Variants in TAFA1 observed in about 807,000 individuals in gnomAD.
TAFA1 encodes TAFA chemokine like family member 1.
Under a neutral mutation model 18.5 loss-of-function variants are expected in TAFA1, and 4 were observed. The ratio of observed to expected loss-of-function variants is 0.22; its 90% CI spans 0.11 to 0.49. The LOEUF (loss-of-function observed/expected upper bound fraction) is 0.49. TAFA1 is among the 20% of genes least tolerant of loss of function. TAFA1 has a pLI of 0.98. For synonymous variants in TAFA1, 56 were observed against 55.2 expected, an observed-to-expected ratio of 1.01 and a Z score of -0.06; for missense variants, 147 against 169.0, an observed-to-expected ratio of 0.87 and a Z score of 0.72.
chr3:68,479,288 C>G (rs1009047217), intron 3 of TAFA1, among the ~76,000 whole-genome samples: 4 of 148,990 alleles, frequency 2.7e-5, no homozygotes, highest in Non-Finnish European at 5.9e-5. Flanking sequence ...AACTGTAGCT[C>G]CATACACACA....
At chr3:68,080,603 G>A (rs1216757731) in intron 2 of TAFA1, among the ~76,000 whole-genome samples, 1 of 152,094 alleles carries the variant, frequency 6.6e-6, no homozygotes, top group African/African-American at 2.4e-5. Context: ...GAAATTCTGG[G>A]TTGAAAATTC....
chr3:68,102,371 G>T (rs954711503), intron 2 of TAFA1, among the ~76,000 whole-genome samples: 1 of 152,122 alleles, frequency 6.6e-6, no homozygotes, highest in Non-Finnish European at 1.5e-5. Flanking sequence ...AGGTAACTGT[G>T]ATATTACAAT....
intron 2 of TAFA1, among the ~76,000 whole-genome samples, chr3:68,082,340 C>T (rs1175778043): frequency 2.0e-5 from 3 of 152,186 alleles, no homozygotes; most frequent in African/African-American, 2.4e-5. Context: ...CTCCTCCCCC[C>T]TGTTCCTACT....
intron 3 of TAFA1, among the ~76,000 whole-genome samples, chr3:68,530,945 T>A (rs1177578096): frequency 6.6e-6 from 1 of 152,112 alleles, no homozygotes; most frequent in Non-Finnish European, 1.5e-5. Context: ...GCCAATATAT[T>A]TTTTTAATTC....
intron 2 of TAFA1, among the ~76,000 whole-genome samples, chr3:68,216,222 A>G (rs567519512): frequency 4.9e-4 from 74 of 152,204 alleles, no homozygotes; most frequent in Non-Finnish European, 8.7e-4. Context: ...GCTCTGTACG[A>G]TAGTCTAATT....
chr3:68,455,525 ATCT>A (rs2071645448), intron 3 of TAFA1, among the ~76,000 whole-genome samples: 1 of 152,100 alleles, frequency 6.6e-6, no homozygotes, highest in South Asian at 2.1e-4. Flanking sequence ...CTGCTTCTCC[ATCT>A]TCTTCCTCAT....
At chr3:68,311,601 C>T (rs1399812101) in intron 2 of TAFA1, among the ~76,000 whole-genome samples, 2 of 152,238 alleles carry the variant, frequency 1.3e-5, no homozygotes, top group Admixed American at 6.5e-5. Context: ...AAATGATCTC[C>T]TTTGACTCCA....
At chr3:68,014,623 G>T (rs1704534886) in intron 2 of TAFA1, among the ~76,000 whole-genome samples, 2 of 152,264 alleles carry the variant, frequency 1.3e-5, no homozygotes, top group East Asian at 1.9e-4. Flanking sequence ...AGTATATTCT[G>T]CCAAATAAGT....
intron 2 of TAFA1, among the ~76,000 whole-genome samples, chr3:68,126,651 C>A (rs1377716689): frequency 1.3e-5 from 2 of 152,230 alleles, no homozygotes; most frequent in South Asian, 2.1e-4. Context: ...TTGGTACACA[C>A]CTTTCAAGAG....
At chr3:68,289,912 G>A (rs1007047052) in intron 2 of TAFA1, among the ~76,000 whole-genome samples, 1 of 152,218 alleles carries the variant, frequency 6.6e-6, no homozygotes, top group Non-Finnish European at 1.5e-5. Context: ...ATGAATGGAT[G>A]AGTAAACCAA....
intron 3 of TAFA1, among the ~76,000 whole-genome samples, chr3:68,446,790 C>A (rs2071479472): frequency 6.6e-6 from 1 of 152,160 alleles, no homozygotes; most frequent in Admixed American, 6.5e-5. Context: ...GCATCCAAAG[C>A]ACAGAAACTG....
intron 3 of TAFA1, among the ~76,000 whole-genome samples, chr3:68,496,381 C>A (rs1026435567): frequency 2.0e-5 from 3 of 152,138 alleles, no homozygotes; most frequent in African/African-American, 7.2e-5. Flanking sequence ...AATCTTGCAG[C>A]TTCCTTTAGT....
At chr3:68,174,924 C>T (rs925823659) in intron 2 of TAFA1, among the ~76,000 whole-genome samples, 1 of 152,148 alleles carries the variant, frequency 6.6e-6, no homozygotes, top group Non-Finnish European at 1.5e-5. Context: ...GTGAGCTGAA[C>T]CCAGGGTTCT....
In TAFA1 at chr3:68,338,234, G is replaced by A. The variant is rs145083529; in HGVS notation, c.119-79046G>A. 4.8e-3 allele frequency among the ~76,000 whole-genome samples: 734 copies of A among 152,288 alleles called. 7 individuals carry two copies. The highest frequency in any genetic ancestry group is 0.016 in the African/African-American group (653 of 41,560). ...TTACAGAGCCTTTTTGATACGGTCA[G>A]TGCTTATCGGTGTTCAAAAAATAAA... On this transcript the variant is annotated intron_variant, in intron 2 of 4. Coordinates refer to ENST00000478136, the MANE Select transcript of TAFA1 (RefSeq NM_213609.4).
rs145726259 is a variant in TAFA1 at position 68,071,907 on chromosome 3, C to T, written c.118+65163C>T. 5.2e-4 allele frequency among the ~76,000 whole-genome samples: 79 copies of T among 151,754 alleles called. 2 individuals are homozygous for T. Among genetic ancestry groups the T allele is most frequent in the African/African-American group, 1.7e-3 (72 of 41,356 alleles). Reference sequence around the variant, plus strand: ...AGATAGCACCAAGCCATGAGGGATCCGCCCCCATGTCCCAAACACCTCCCA... The same window carrying T: ...AGATAGCACCAAGCCATGAGGGATCTGCCCCCATGTCCCAAACACCTCCCA... On this transcript the variant is annotated intron_variant, in intron 2 of 4. Transcript: ENST00000478136.
intron 2 of TAFA1, among the ~76,000 whole-genome samples, chr3:68,188,113 T>C (rs2066292149): frequency 6.6e-6 from 1 of 151,976 alleles, no homozygotes; most frequent in Non-Finnish European, 1.5e-5. Context: ...ATTCATATTC[T>C]TGAGGATGTT....
intron 2 of TAFA1, among the ~76,000 whole-genome samples, chr3:68,320,825 C>A (rs550751898): frequency 1.3e-5 from 2 of 152,258 alleles, no homozygotes; most frequent in African/African-American, 4.8e-5. Context: ...AGGCTGCACC[C>A]CAGAGGGAGC....
At chr3:68,301,737 A>G (rs1159243653) in intron 2 of TAFA1, among the ~76,000 whole-genome samples, 1 of 152,210 alleles carries the variant, frequency 6.6e-6, no homozygotes, top group Non-Finnish European at 1.5e-5. Context: ...CTCAGCCAAT[A>G]CTCTAAAAAC....
chr3:68,152,070 T>C (rs2065812760), intron 2 of TAFA1, among the ~76,000 whole-genome samples: 1 of 152,072 alleles, frequency 6.6e-6, no homozygotes, highest in African/African-American at 2.4e-5. Context: ...ATTTAGGGAG[T>C]TGAGGGACAC....
Sources: gnomAD v4.1 joint callset for allele counts (sites outside exome capture counted in the v4.1 genomes callset) on GRCh38, gnomAD v4.1.1 for gene constraint, MANE v1.5 for transcripts, NCBI Gene and HGNC (gene_info 2026-07-23, HGNC 2026-07-21) for gene names.